Variants in NRG1 observed in about 807,000 individuals in gnomAD.
NRG1 encodes neuregulin 1.
Under a neutral mutation model 63.8 loss-of-function variants are expected in NRG1, and 18 were observed. The ratio of observed to expected loss-of-function variants is 0.28; its 90% confidence interval spans 0.19 to 0.42. The LOEUF (loss-of-function observed/expected upper bound fraction) is 0.42, where lower values mean the gene tolerates loss of function less well. NRG1 is among the 10% of genes least tolerant of loss of function. The pLI, the probability that NRG1 is intolerant of heterozygous loss-of-function variation, is 1.00. For synonymous variants in NRG1, 302 were observed against 301.3 expected (o/e 1.00, Z -0.02); for missense variants, 762 against 814.7 (o/e 0.94, Z 0.79).
chr8:32,388,777 T>A (rs1157334685), intron 1 of NRG1, among the ~76,000 whole-genome samples: 2 of 152,180 alleles, frequency 1.3e-5, no homozygotes, highest in Non-Finnish European at 2.9e-5. Context: ...CTGTAGGTGA[T>A]AAATTAGTAA....
intron 1 of NRG1, among the ~76,000 whole-genome samples, chr8:32,068,920 G>A (rs577525593): frequency 1.3e-5 from 2 of 152,304 alleles, no homozygotes; most frequent in South Asian, 4.1e-4. Flanking sequence ...GAAGATGTAG[G>A]GTGACACACT....
chr8:32,132,810 C>T (rs1835011720), intron 1 of NRG1, among the ~76,000 whole-genome samples: 1 of 152,150 alleles, frequency 6.6e-6, no homozygotes, highest in Admixed American at 6.6e-5. Context: ...TCACTTAAAA[C>T]TCTCTTTTTA....
At chr8:32,511,591 G>C (rs541156919) in intron 1 of NRG1, among the ~76,000 whole-genome samples, 235 of 151,766 alleles carry the variant, frequency 1.5e-3, no homozygotes, top group African/African-American at 5.5e-3. Context: ...TTAAAGAAGC[G>C]ACAGTAGTTA....
chr8:32,680,931 T>A (rs949696082), intron 5 of NRG1, among the ~76,000 whole-genome samples: 1 of 152,068 alleles, frequency 6.6e-6, no homozygotes, highest in Non-Finnish European at 1.5e-5. Flanking sequence ...CCATCCTGTT[T>A]TACTGATGAG....
At chr8:32,769,651 A>C (rs191179616), downstream of NRG1, among the ~76,000 whole-genome samples, 1 of 152,354 alleles carries the variant, frequency 6.6e-6, no homozygotes, top group African/African-American at 2.4e-5. Flanking sequence ...TTACTAAAAT[A>C]AATGTAAGGG....
intron 1 of NRG1, among the ~76,000 whole-genome samples, chr8:32,124,031 T>G (rs1329181023): frequency 6.6e-6 from 1 of 151,780 alleles, no homozygotes; most frequent in Non-Finnish European, 1.5e-5. Flanking sequence ...AGTTGTATCA[T>G]TTAAATTCGT....
At chr8:31,891,702 A>G (rs1348460834) in intron 1 of NRG1, among the ~76,000 whole-genome samples, 2 of 152,194 alleles carry the variant, frequency 1.3e-5, no homozygotes, top group Non-Finnish European at 2.9e-5. Context: ...GAATGTTCAC[A>G]GCAACTTTAT....
intron 1 of NRG1, among the ~76,000 whole-genome samples, chr8:32,127,917 T>C (rs1396015256): frequency 1.3e-5 from 2 of 151,846 alleles, no homozygotes; most frequent in Non-Finnish European, 1.5e-5. Context: ...CTGAGCAACA[T>C]AGTTAGACCC....
At chr8:32,129,153 A>T (rs1017456602) in intron 1 of NRG1, among the ~76,000 whole-genome samples, 3 of 151,996 alleles carry the variant, frequency 2.0e-5, no homozygotes, top group African/African-American at 7.2e-5. Flanking sequence ...GGCAGCTAGC[A>T]CAATCTCAGG....
At chr8:31,808,501 A>G (rs1822520500) in intron 1 of NRG1, among the ~76,000 whole-genome samples, 1 of 152,026 alleles carries the variant, frequency 6.6e-6, no homozygotes, top group Non-Finnish European at 1.5e-5. Flanking sequence ...GCTTTTTAAT[A>G]CATCTTTTCT....
At chr8:32,300,238 T>A (rs2129475055) in intron 1 of NRG1, among the ~76,000 whole-genome samples, 1 of 152,290 alleles carries the variant, frequency 6.6e-6, no homozygotes, top group South Asian at 2.1e-4. Context: ...TCGTTAACAC[T>A]TTTTTCAATA....
chr8:32,029,912 TATC>T (rs1285456263), intron 1 of NRG1, among the ~76,000 whole-genome samples: 47 of 152,258 alleles, frequency 3.1e-4, no homozygotes, highest in African/African-American at 9.1e-4. Context: ...AGCTTTGTAT[TATC>T]ATTTTAAAAT....
At chr8:32,059,306 A>G (rs1823474628) in intron 1 of NRG1, among the ~76,000 whole-genome samples, 1 of 151,760 alleles carries the variant, frequency 6.6e-6, no homozygotes, top group South Asian at 2.1e-4. Context: ...CCCCTTCTAG[A>G]GTCGTCTTTC....
intron 5 of NRG1, among the ~76,000 whole-genome samples, chr8:32,668,824 A>G (rs1804880659): frequency 6.6e-6 from 1 of 152,212 alleles, no homozygotes; most frequent in Non-Finnish European, 1.5e-5. Context: ...GTTAGTATCA[A>G]TAGCCTTTAT....
chr8:31,810,144 TC>T (rs1822743632), intron 1 of NRG1, among the ~76,000 whole-genome samples: 1 of 152,110 alleles, frequency 6.6e-6, no homozygotes, highest in Non-Finnish European at 1.5e-5. Context: ...ATGTCCACCT[TC>T]AAACAAATAC....
intron 1 of NRG1, among the ~76,000 whole-genome samples, chr8:31,733,675 G>C (rs1309757533): frequency 6.6e-6 from 1 of 152,160 alleles, no homozygotes; most frequent in Non-Finnish European, 1.5e-5. Context: ...AGAGGACAGA[G>C]TGTGAAGGCT....
intron 1 of NRG1, among the ~76,000 whole-genome samples, chr8:31,834,764 A>T (rs1255023826): frequency 1.3e-5 from 2 of 152,218 alleles, no homozygotes; most frequent in African/African-American, 4.8e-5. Context: ...TTATACACAT[A>T]TAAATTAGTA....
chr8:32,118,310 G>A (rs921546180), intron 1 of NRG1, among the ~76,000 whole-genome samples: 4 of 151,924 alleles, frequency 2.6e-5, no homozygotes, highest in East Asian at 1.9e-4. Context: ...GTTGTCCCCC[G>A]ACTCGCCGCA....
chr8:32,714,413 G>C (rs1818643440), intron 5 of NRG1, among the ~76,000 whole-genome samples: 1 of 152,136 alleles, frequency 6.6e-6, no homozygotes, highest in Non-Finnish European at 1.5e-5. Flanking sequence ...GTTAACTATT[G>C]AATCAATTTA....
Sources: gnomAD v4.1 joint callset for allele counts (sites outside exome capture counted in the v4.1 genomes callset) on GRCh38, gnomAD v4.1.1 for gene constraint, MANE v1.5 for transcripts, NCBI Gene and HGNC (gene_info 2026-07-23, HGNC 2026-07-21) for gene names.